The following LRIF1 variants were observed in gnomAD, a reference collection of about 807,000 sequenced individuals.
LRIF1 encodes ligand dependent nuclear receptor interacting factor 1, also known as ligand-dependent nuclear receptor-interacting factor 1.
In LRIF1, 32 loss-of-function variants were observed where a neutral mutation model predicts 52.7. The observed-to-expected ratio is 0.61, with a 90% confidence interval of 0.46 to 0.82. LRIF1 has a LOEUF of 0.82. LRIF1 is among the 40% of genes least tolerant of loss of function. The probability of loss-of-function intolerance (pLI) is 0.00; values close to 1 mark genes in which losing one functional copy is unlikely to be tolerated. For synonymous variants in LRIF1, 323 were observed against 317.4 expected (o/e 1.02, Z -0.19); for missense variants, 887 against 892.0 (o/e 0.99, Z 0.07).
At position 110,948,328 on chromosome 1, in the gene LRIF1, C is replaced by G. The variant is rs1557836813; in HGVS notation, c.1941G>C (p.Glu647Asp). The change falls in exon 4 of 4, where the codon GAG becomes GAC. Residue 647 changes from glutamate to aspartate, a missense_variant. Glu to Asp is a conservative substitution (Grantham distance 45). Transcript: ENST00000369763. ...KMDHIKKRKT[E>D]NAYNAIINGE... is the part of the protein sequence containing the mutation. The stretch of plus-strand genomic sequence containing the variant: ...CATTTATGATTGCGTTATAAGCATT[C>G]TCTGTTTTTCTCTTCTTTATGTGAT... The G allele has an allele frequency of 1.2e-6, 2 of 1,614,018 alleles. No individual in the cohort carries two copies. The highest frequency in any genetic ancestry group is 1.7e-6 in the Non-Finnish European group (2 of 1,179,986).
chr1:110,908,970 C>G, the LRIF1 span, among the ~76,000 whole-genome samples: 3 of 152,070 alleles, frequency 2.0e-5, no homozygotes, highest in South Asian at 6.2e-4. Flanking sequence ...AAGAAAAAAT[C>G]TTAAAGGCAG....
downstream of LRIF1, chr1:110,944,799 A>G (rs1193599993): frequency 6.6e-6 from 1 of 152,268 alleles, no homozygotes; most frequent in African/African-American, 2.4e-5. Flanking sequence ...ATACTGCTTT[A>G]GAAAAACCAG....
the LRIF1 span, chr1:110,894,832 C>T: frequency 1.4e-6 from 1 of 708,082 alleles, no homozygotes; most frequent in African/African-American, 1.7e-5. Context: ...CTCCCCTCAC[C>T]CTTAGTTCTG....
chr1:110,936,343 AAAAG>A, the LRIF1 span: 3 of 152,192 alleles, frequency 2.0e-5, no homozygotes, highest in Non-Finnish European at 2.9e-5. Context: ...TCTTATCCTA[AAAAG>A]AAAGACTGAC....
the LRIF1 span, among the ~76,000 whole-genome samples, chr1:110,885,034 A>C: frequency 0.5 from 75,595 of 151,506 alleles, 19,765 homozygotes; most frequent in Non-Finnish European, 0.59. Context: ...ATTTGTTGTT[A>C]CCCCTTTTCT....
At chr1:110,884,336 A>AT in the LRIF1 span, among the ~76,000 whole-genome samples, 1 of 151,972 alleles carries the variant, frequency 6.6e-6, no homozygotes, top group Non-Finnish European at 1.5e-5. Context: ...TCTGTTATTG[A>AT]TTGCTAATTC....
chr1:110,945,322 G>A (rs184511481), downstream of LRIF1, among the ~76,000 whole-genome samples: 1 of 152,220 alleles, frequency 6.6e-6, no homozygotes, highest in Admixed American at 6.5e-5. Context: ...GGAATATGAA[G>A]TTCTAGTTTT....
chr1:110,876,311 T>C, the LRIF1 span, among the ~76,000 whole-genome samples: 1 of 152,324 alleles, frequency 6.6e-6, no homozygotes, highest in East Asian at 1.9e-4. Flanking sequence ...GTCCCTTTTC[T>C]AAGAGATTTT....
rs1031966312 is a variant in LRIF1 at position 110,952,302 on chromosome 1, T to C, written c.582A>G (p.Lys194=). Reference sequence around the variant, plus strand: ...GAGGCAATGATGACGCTGGTACAGATTTCACTTCAGCATGGGCTGGAATCT... The same window carrying C: ...GAGGCAATGATGACGCTGGTACAGACTTCACTTCAGCATGGGCTGGAATCT... ...HLQIPAHAEV[K]SVPASSLPPS... is the part of the protein sequence containing the mutation. Residue 194 remains lysine, a synonymous_variant, in exon 2 of 4, where the codon AAA becomes AAG. Transcript: ENST00000369763. 1.2e-6 allele frequency: 2 copies of C among 1,614,008 alleles called. No individual in the cohort carries two copies. The highest frequency in any genetic ancestry group is 2.2e-5 in the East Asian group (1 of 44,886).
the LRIF1 span, among the ~76,000 whole-genome samples, chr1:110,917,546 A>C: frequency 2.0e-5 from 3 of 152,150 alleles, no homozygotes; most frequent in African/African-American, 7.2e-5. Flanking sequence ...TATTTACTCA[A>C]AGTTTATGAT....
downstream of LRIF1, among the ~76,000 whole-genome samples, chr1:110,946,494 A>G (rs1658206977): frequency 6.6e-6 from 1 of 152,208 alleles, no homozygotes; most frequent in African/African-American, 2.4e-5. Context: ...ATTTTACAGT[A>G]CATGAATTAT....
At chr1:110,915,500 A>AATAAATAAATAC in the LRIF1 span, among the ~76,000 whole-genome samples, 3 of 151,920 alleles carry the variant, frequency 2.0e-5, no homozygotes, top group Non-Finnish European at 2.9e-5. Context: ...AAAATAAATA[A>AATAAATAAATAC]ATAAATAAAT....
chr1:110,883,561 G>A, the LRIF1 span, among the ~76,000 whole-genome samples: 4 of 151,880 alleles, frequency 2.6e-5, no homozygotes, highest in African/African-American at 9.7e-5. Flanking sequence ...TGGCCTCACA[G>A]GATAAGGTAG....
At chr1:110,899,471 A>C in the LRIF1 span, 1 of 316,124 alleles carries the variant, frequency 3.2e-6, no homozygotes, top group Non-Finnish European at 6.0e-6. Flanking sequence ...GGCAAAGACA[A>C]ACTGGATTTA....
the LRIF1 span, chr1:110,892,238 T>G: frequency 3.5e-6 from 3 of 847,526 alleles, no homozygotes; most frequent in Non-Finnish European, 4.1e-6. Flanking sequence ...GACTCTTGAT[T>G]GAGCCAGTTA....
At chr1:110,937,602 G>GT in the LRIF1 span, 1 of 152,006 alleles carries the variant, frequency 6.6e-6, no homozygotes, top group African/African-American at 2.4e-5. Flanking sequence ...GAAGTTTATA[G>GT]CTATAAGTGC....
rs151232382 is a variant in LRIF1, at chr1:110,953,351, T to C, written c.69-536A>G. Among the ~76,000 whole-genome samples the C allele has an allele frequency of 1.1e-4, 17 of 152,382 alleles. No homozygotes were observed. The East Asian group carries it at 1.5e-3, about 14-fold the overall frequency. On this transcript the variant is annotated intron_variant, in intron 1 of 3. Transcript: ENST00000369763. The stretch of plus-strand genomic sequence containing the variant: ...CTTAGTTTGCCACATTTTTGTGCTA[T>C]AGATTTCACTGAACTGTTTACATAG...
At chr1:110,903,011 C>T in the LRIF1 span, among the ~76,000 whole-genome samples, 2 of 152,108 alleles carry the variant, frequency 1.3e-5, no homozygotes, top group African/African-American at 4.8e-5. Context: ...AGTACCATCC[C>T]GTTAGAGCAG....
At chr1:110,895,702 T>C in the LRIF1 span, among the ~76,000 whole-genome samples, 1 of 152,320 alleles carries the variant, frequency 6.6e-6, no homozygotes, top group South Asian at 2.1e-4. Context: ...TCTCCAATTC[T>C]TTATTTTTTT....
Sources: gnomAD v4.1 joint callset for allele counts (sites outside exome capture counted in the v4.1 genomes callset) on GRCh38, gnomAD v4.1.1 for gene constraint, MANE v1.5 for transcripts, NCBI Gene and HGNC (gene_info 2026-07-23, HGNC 2026-07-21) for gene names.